The following CTNNA3 variants were observed in gnomAD, a reference collection of about 807,000 sequenced individuals.
The protein encoded by CTNNA3 is catenin alpha-3.
Under a neutral mutation model 95.7 loss-of-function variants are expected in CTNNA3, and 76 were observed. The observed-to-expected ratio is 0.79, with a 90% CI of 0.66 to 0.96. The LOEUF (loss-of-function observed/expected upper bound fraction) is 0.96, where lower values mean the gene tolerates loss of function less well. Among genes scored for constraint, CTNNA3 ranks in the 40% least tolerant of loss-of-function variants. The pLI is 0.00. For synonymous variants in CTNNA3, 431 were observed against 374.4 expected (o/e 1.15, Z -1.74); for missense variants, 1,191 against 1,089.8 (o/e 1.09, Z -1.31).
At chr10:67,416,889 T>C (rs1845565649) in intron 5 of CTNNA3, among the ~76,000 whole-genome samples, 1 of 151,936 alleles carries the variant, frequency 6.6e-6, no homozygotes, top group South Asian at 2.1e-4. Context: ...AGTCGGGAGA[T>C]TTCTCAAATA....
chr10:67,342,056 C>T (rs1842215011), intron 5 of CTNNA3, among the ~76,000 whole-genome samples: 1 of 148,618 alleles, frequency 6.7e-6, no homozygotes, highest in Admixed American at 6.7e-5. Flanking sequence ...TTCGTAGTTT[C>T]CCAGTATATA....
At chr10:67,257,619 C>G (rs1297019579) in intron 5 of CTNNA3, among the ~76,000 whole-genome samples, 1 of 152,138 alleles carries the variant, frequency 6.6e-6, no homozygotes, top group Admixed American at 6.5e-5. Flanking sequence ...CCACAAAACG[C>G]AAGTACAAAG....
At chr10:65,925,965 A>G (rs1344556631) in intron 17 of CTNNA3, among the ~76,000 whole-genome samples, 1 of 151,176 alleles carries the variant, frequency 6.6e-6, no homozygotes, top group Non-Finnish European at 1.5e-5. Flanking sequence ...AAAATGACAC[A>G]TATATATCAA....
At chr10:65,932,075 G>A (rs1171359456) in intron 17 of CTNNA3, among the ~76,000 whole-genome samples, 1 of 152,172 alleles carries the variant, frequency 6.6e-6, no homozygotes, top group East Asian at 1.9e-4. Context: ...AAGCTGAAGG[G>A]AGGAGGGAAG....
chr10:67,636,865 C>T (rs9988731), intron 2 of CTNNA3, among the ~76,000 whole-genome samples: 20,153 of 152,014 alleles, frequency 0.13, 1,445 homozygotes, highest in Non-Finnish European at 0.16. Flanking sequence ...CCCATCTGTA[C>T]GTCACCATCA....
chr10:66,091,989 A>T (rs910922131), intron 14 of CTNNA3, among the ~76,000 whole-genome samples: 1 of 151,816 alleles, frequency 6.6e-6, no homozygotes. Context: ...GTCACAGTCA[A>T]AATTAATTTC....
intron 7 of CTNNA3, among the ~76,000 whole-genome samples, chr10:67,010,446 A>G (rs987885588): frequency 1.3e-5 from 2 of 152,206 alleles, no homozygotes; most frequent in African/African-American, 4.8e-5. Context: ...TGCTGACTTA[A>G]TGATGCCTAA....
intron 16 of CTNNA3, among the ~76,000 whole-genome samples, chr10:65,982,533 C>A (rs960911170): frequency 1.2e-5 from 1 of 83,876 alleles, no homozygotes; most frequent in African/African-American, 5.2e-5. Context: ...AGGCATTATA[C>A]GAAAAAGATA....
chr10:66,573,374 C>T (rs1487355416), intron 10 of CTNNA3, among the ~76,000 whole-genome samples: 1 of 152,114 alleles, frequency 6.6e-6, no homozygotes, highest in Non-Finnish European at 1.5e-5. Flanking sequence ...CAGGGTTGCT[C>T]GCAGCCCATA....
At chr10:66,900,782 T>C (rs1046293236) in intron 7 of CTNNA3, among the ~76,000 whole-genome samples, 6 of 152,186 alleles carry the variant, frequency 3.9e-5, no homozygotes, top group Non-Finnish European at 7.4e-5. Context: ...ATATCAGTGA[T>C]TGAAGATCAA....
intron 11 of CTNNA3, among the ~76,000 whole-genome samples, chr10:66,432,599 T>C (rs1379414626): frequency 1.3e-5 from 2 of 149,860 alleles, no homozygotes; most frequent in African/African-American, 2.5e-5. Context: ...AGGTGGAGCT[T>C]GCAGTGAGCA....
intron 11 of CTNNA3, among the ~76,000 whole-genome samples, chr10:66,510,033 T>C (rs1487060800): frequency 6.6e-6 from 1 of 151,914 alleles, no homozygotes. Context: ...TCCAGGAGCA[T>C]GGAATGTTTT....
At chr10:67,546,909 T>A (rs1840861726) in intron 3 of CTNNA3, among the ~76,000 whole-genome samples, 1 of 152,220 alleles carries the variant, frequency 6.6e-6, no homozygotes, top group Non-Finnish European at 1.5e-5. Context: ...CTGATATCTT[T>A]GCTTTTTTGA....
chr10:67,482,657 A>G (rs1848279845), intron 5 of CTNNA3, among the ~76,000 whole-genome samples: 1 of 152,152 alleles, frequency 6.6e-6, no homozygotes, highest in East Asian at 1.9e-4. Flanking sequence ...GGGCTGAGAC[A>G]ATGGGGTTTC....
At chr10:66,624,983 C>T (rs866390074) in intron 9 of CTNNA3, among the ~76,000 whole-genome samples, 3 of 151,118 alleles carry the variant, frequency 2.0e-5, no homozygotes, top group Admixed American at 6.6e-5. Flanking sequence ...ATAAATGGGA[C>T]AAAAGGTAGT....
intron 5 of CTNNA3, among the ~76,000 whole-genome samples, chr10:67,271,303 C>G (rs1181092916): frequency 6.6e-6 from 1 of 152,070 alleles, no homozygotes; most frequent in African/African-American, 2.4e-5. Flanking sequence ...GGGTGGTTCC[C>G]CCATGCTGTT....
At chr10:67,133,328 T>TATATATATATATATATATATATATAC (rs145659453) in intron 7 of CTNNA3, among the ~76,000 whole-genome samples, 12 of 105,306 alleles carry the variant, frequency 1.1e-4, no homozygotes, top group East Asian at 2.6e-4. Flanking sequence ...TATATATTTA[T>TATATATATATATATATATATATATAC]ACACACACAC....
intron 5 of CTNNA3, among the ~76,000 whole-genome samples, chr10:67,443,895 G>A (rs1211834663): frequency 6.6e-6 from 1 of 152,146 alleles, no homozygotes; most frequent in African/African-American, 2.4e-5. Context: ...GAATGGTAAT[G>A]CCTAGGTTTT....
intron 5 of CTNNA3, among the ~76,000 whole-genome samples, chr10:67,459,925 C>A (rs903054369): frequency 1.3e-5 from 2 of 152,168 alleles, no homozygotes; most frequent in Admixed American, 6.6e-5. Flanking sequence ...CCTTTTCTCT[C>A]TTGAAACATT....
Sources: gnomAD v4.1 joint callset for allele counts (sites outside exome capture counted in the v4.1 genomes callset) on GRCh38, gnomAD v4.1.1 for gene constraint, MANE v1.5 for transcripts, NCBI Gene and HGNC (gene_info 2026-07-23, HGNC 2026-07-21) for gene names.